Variants in ARHGAP10 observed in about 807,000 individuals in gnomAD.
ARHGAP10 encodes Rho GTPase activating protein 10.
ARHGAP10 carries 87 observed loss-of-function variants against 108.6 expected under a neutral mutation model. That is an observed-to-expected ratio of 0.80 (90% confidence interval 0.67 to 0.96). The LOEUF is 0.96. Ranked by LOEUF, ARHGAP10 falls within the 40% of genes least tolerant of loss-of-function variation. ARHGAP10 has a pLI of 0.00. For missense variants in ARHGAP10, 939 were observed against 954.5 expected, an observed-to-expected ratio of 0.98 and a Z score of 0.21; for synonymous variants, 347 against 341.1, an observed-to-expected ratio of 1.02 and a Z score of -0.19.
intron 6 of ARHGAP10, chr4:147,865,821 T>C (rs1347837942): frequency 6.6e-6 from 1 of 152,228 alleles, no homozygotes; most frequent in Non-Finnish European, 1.5e-5. Context: ...AAACTCAACC[T>C]CCTCAAAGCT....
chr4:147,812,668 A>G (rs978207052), intron 1 of ARHGAP10, among the ~76,000 whole-genome samples: 1 of 152,190 alleles, frequency 6.6e-6, no homozygotes, highest in Non-Finnish European at 1.5e-5. Context: ...TTTTACAAGG[A>G]CATTGTAAAG....
chr4:147,912,658 T>C (rs1200484259), intron 12 of ARHGAP10, among the ~76,000 whole-genome samples: 2 of 124,096 alleles, frequency 1.6e-5, no homozygotes, highest in African/African-American at 6.1e-5. Context: ...TTTTTTTTTT[T>C]TTTTTTTTTT....
chr4:147,937,764 G>A (rs939968649), intron 13 of ARHGAP10, among the ~76,000 whole-genome samples: 3 of 152,184 alleles, frequency 2.0e-5, no homozygotes, highest in Non-Finnish European at 2.9e-5. Context: ...CGGATCACCT[G>A]AGGTCAGAAG....
chr4:147,979,046 GA>G (rs1739712827), intron 18 of ARHGAP10, among the ~76,000 whole-genome samples: 1 of 152,128 alleles, frequency 6.6e-6, no homozygotes, highest in Non-Finnish European at 1.5e-5. Context: ...TTGCTGTGCA[GA>G]AGCCCTTTAG....
intron 22 of ARHGAP10, among the ~76,000 whole-genome samples, chr4:148,066,623 C>T (rs550674546): frequency 7.2e-5 from 11 of 152,338 alleles, no homozygotes; most frequent in African/African-American, 2.4e-4. Flanking sequence ...CCAGTGTCTC[C>T]GTGTGTTTTG....
chr4:147,908,234 A>T (rs1357366561), intron 11 of ARHGAP10, among the ~76,000 whole-genome samples: 2 of 152,220 alleles, frequency 1.3e-5, no homozygotes, highest in Non-Finnish European at 2.9e-5. Context: ...ACTCCAAAAC[A>T]GGTTATACTA....
Position 147,799,003 on chromosome 4 carries a change from T to C in ARHGAP10, c.155-23724T>C, listed in dbSNP as rs1156775284. On this transcript the variant is annotated intron_variant, in intron 1 of 22. Transcript: ENST00000336498. ...AAGACTAGTTATTGATGTTTACCAT[T>C]GATCCTAGCCTTGGCCTGAATTTCT... is the stretch of plus-strand genomic sequence containing the variant. Among the ~76,000 whole-genome samples the C allele has an allele frequency of 1.1e-4, 16 of 151,646 alleles. 1 individual carries two copies. The highest frequency in any genetic ancestry group is 2.1e-4 in the Non-Finnish European group (14 of 67,962).
intron 20 of ARHGAP10, among the ~76,000 whole-genome samples, chr4:148,051,230 C>G (rs188495152): frequency 1.5e-4 from 23 of 152,332 alleles, no homozygotes; most frequent in Admixed American, 4.6e-4. Flanking sequence ...TCTTACTTAC[C>G]TGTACCCTCA....
intron 19 of ARHGAP10, among the ~76,000 whole-genome samples, chr4:148,041,223 G>C (rs558172951): frequency 2.6e-5 from 4 of 152,182 alleles, no homozygotes; most frequent in Non-Finnish European, 5.9e-5. Flanking sequence ...GCATGGGATA[G>C]CTTTGCTGAT....
rs151293267 is a variant in ARHGAP10, at chr4:147,854,048, G to A, written c.385-3505G>A. On this transcript the variant is annotated intron_variant, in intron 4 of 22. Transcript: ENST00000336498. ...TCAGAAGATCTGGTTATTTGAATTGGGGTTCTTAGGTTCTTCTCTTCTACC... is the reference window on the plus strand; with the variant it reads ...TCAGAAGATCTGGTTATTTGAATTGAGGTTCTTAGGTTCTTCTCTTCTACC... 2.6e-5 allele frequency among the ~76,000 whole-genome samples: 4 copies of A among 152,006 alleles called. No individual in the cohort carries two copies. The East Asian group carries it at 7.7e-4, about 29-fold the overall frequency.
At chr4:147,871,697 A>G (rs902663658) in intron 7 of ARHGAP10, among the ~76,000 whole-genome samples, 1 of 152,232 alleles carries the variant, frequency 6.6e-6, no homozygotes, top group African/African-American at 2.4e-5. Context: ...TGTAATTAGA[A>G]GATGCCTTCA....
chr4:148,051,559 T>C (rs1305702528), intron 20 of ARHGAP10, among the ~76,000 whole-genome samples: 1 of 152,166 alleles, frequency 6.6e-6, no homozygotes, highest in Non-Finnish European at 1.5e-5. Context: ...CAAGATGGCA[T>C]GGTCTCAGAA....
intron 18 of ARHGAP10, among the ~76,000 whole-genome samples, chr4:148,014,167 C>T (rs747091049): frequency 1.3e-5 from 2 of 152,128 alleles, no homozygotes; most frequent in African/African-American, 4.8e-5. Flanking sequence ...TTAGTCTAGG[C>T]GTTTATTACT....
intron 12 of ARHGAP10, among the ~76,000 whole-genome samples, chr4:147,911,993 AC>A (rs1736757955): frequency 2.8e-5 from 3 of 108,640 alleles, no homozygotes; most frequent in Non-Finnish European, 5.3e-5. Flanking sequence ...AAGAACATTC[AC>A]GTGTGTGTGT....
intron 3 of ARHGAP10, among the ~76,000 whole-genome samples, chr4:147,832,046 C>T (rs969442129): frequency 6.6e-6 from 1 of 152,060 alleles, no homozygotes; most frequent in Admixed American, 6.6e-5. Context: ...TCTGAGGAAT[C>T]GGCCAACTCT....
intron 3 of ARHGAP10, among the ~76,000 whole-genome samples, chr4:147,823,362 C>G (rs1440468104): frequency 6.6e-6 from 1 of 152,132 alleles, no homozygotes; most frequent in Non-Finnish European, 1.5e-5. Flanking sequence ...GACTCATACT[C>G]CTGTAGATTT....
chr4:147,741,898 T>G (rs558696428), intron 1 of ARHGAP10, among the ~76,000 whole-genome samples: 21 of 151,924 alleles, frequency 1.4e-4, no homozygotes, highest in African/African-American at 4.8e-4. Context: ...ACACCCCAAG[T>G]TGCTGCCATA....
chr4:148,043,614 A>AATATATATATGTATAT (rs1728728397), intron 19 of ARHGAP10, among the ~76,000 whole-genome samples: 2 of 54,978 alleles, frequency 3.6e-5, no homozygotes, highest in Admixed American at 2.8e-4. Context: ...CCCTCTCTCT[A>AATATATATATGTATAT]ATATATATAT....
chr4:147,876,632 C>T (rs887215653), intron 8 of ARHGAP10, among the ~76,000 whole-genome samples: 1 of 151,994 alleles, frequency 6.6e-6, no homozygotes, highest in Non-Finnish European at 1.5e-5. Context: ...AAAACCACCT[C>T]GATAGTCTTG....
Sources: allele counts gnomAD v4.1 joint callset (sites outside exome capture counted in the v4.1 genomes callset), GRCh38; gene constraint gnomAD v4.1.1; transcripts MANE v1.5; gene names NCBI Gene and HGNC (gene_info 2026-07-23, HGNC 2026-07-21).